Variants in THSD4 observed in about 807,000 individuals in gnomAD.
THSD4 encodes thrombospondin type 1 domain containing 4.
A neutral mutation model predicts 119.0 loss-of-function variants in THSD4; 69 were observed. That is an observed-to-expected ratio of 0.58 (90% CI 0.48 to 0.71). THSD4 has a LOEUF of 0.71. THSD4 is among the 30% of genes least tolerant of loss of function. The pLI, the probability that THSD4 is intolerant of heterozygous loss-of-function variation, is 0.00. For synonymous variants in THSD4, 524 were observed against 540.4 expected (o/e 0.97, Z 0.42); for missense variants, 1,393 against 1,391.1 (o/e 1.00, Z -0.02).
Position 71,724,287 on chromosome 15 carries a change from A to ATATAT in THSD4, c.1358-4261_1358-4260insATATT. 1.4e-3 allele frequency among the ~76,000 whole-genome samples: 54 copies of ATATAT among 37,288 alleles called. 3 individuals are homozygous for ATATAT. The highest frequency in any genetic ancestry group is 0.011 in the East Asian group (6 of 568). 24.5% of individuals were successfully genotyped at this position (37,288 alleles called of 152,430 possible). The stretch of plus-strand genomic sequence containing the variant: ...ATGGGATATATATATATATATATAT[A>ATATAT]TTTTTTTTTTCCCCCCAAGATGGAA... On this transcript the variant is annotated intron_variant, in intron 8 of 17. Transcript: ENST00000261862.
intron 7 of THSD4, among the ~76,000 whole-genome samples, chr15:71,592,172 C>G (rs1307802526): frequency 6.6e-6 from 1 of 152,220 alleles, no homozygotes; most frequent in African/African-American, 2.4e-5. Flanking sequence ...ACACACATTT[C>G]TAAGCCAACA....
At chr15:71,750,300 A>G (rs1190986379) in intron 14 of THSD4, among the ~76,000 whole-genome samples, 3 of 152,170 alleles carry the variant, frequency 2.0e-5, no homozygotes, top group Non-Finnish European at 2.9e-5. Flanking sequence ...GCTGACTCCA[A>G]CTGGTCAGTG....
Position 71,745,198 on chromosome 15 carries a change from G to A in THSD4, c.1999G>A (p.Glu667Lys), listed in dbSNP as rs747954248. The A allele has an allele frequency of 1.9e-5, 31 of 1,613,424 alleles. No homozygotes were observed. The highest frequency in any genetic ancestry group is 1.8e-4 in the Middle Eastern group (1 of 5,668). ...TGACTCCAGCATGAAGCCGACCCCCGAGGAGGAGCCCTGCAACATCTTCCC... is the reference window on the plus strand; with the variant it reads ...TGACTCCAGCATGAAGCCGACCCCCAAGGAGGAGCCCTGCAACATCTTCCC... ...YCDSSMKPTP[E>K]EEPCNIFPCP... Residue 667 changes from glutamate (E) to lysine (K), a missense_variant, in exon 12 of 18, where the codon GAG (glutamate) becomes AAG (lysine). By Grantham distance (56) the Glu-to-Lys change is moderately conservative. Coordinates refer to ENST00000261862, the MANE Select transcript of THSD4 (RefSeq NM_024817.3).
At chr15:71,648,299 A>C (rs964449005) in intron 7 of THSD4, among the ~76,000 whole-genome samples, 1 of 152,154 alleles carries the variant, frequency 6.6e-6, no homozygotes, top group African/African-American at 2.4e-5. Context: ...GGGGCTTCCT[A>C]CTGCCTAAAT....
At chr15:71,309,395 C>T (rs1309390333) in intron 6 of THSD4, among the ~76,000 whole-genome samples, 1 of 152,158 alleles carries the variant, frequency 6.6e-6, no homozygotes, top group South Asian at 2.1e-4. Context: ...TTTATATATT[C>T]TGAATACTTA....
At chr15:71,540,838 T>G (rs1045680739) in intron 7 of THSD4, among the ~76,000 whole-genome samples, 88 of 149,304 alleles carry the variant, frequency 5.9e-4, no homozygotes, top group Non-Finnish European at 1.0e-3. Flanking sequence ...TTCTCCTGTC[T>G]CAGCCTCCCG....
At chr15:71,653,732 A>G (rs1468721588) in intron 7 of THSD4, among the ~76,000 whole-genome samples, 1 of 152,232 alleles carries the variant, frequency 6.6e-6, no homozygotes, top group Non-Finnish European at 1.5e-5. Flanking sequence ...TTGGATTTCC[A>G]CATGAGATTT....
At chr15:71,490,379 T>G (rs1036824003) in intron 7 of THSD4, among the ~76,000 whole-genome samples, 1 of 152,002 alleles carries the variant, frequency 6.6e-6, no homozygotes, top group African/African-American at 2.4e-5. Context: ...GCTAACACGG[T>G]GAAACCCCGT....
intron 7 of THSD4, among the ~76,000 whole-genome samples, chr15:71,460,861 C>G (rs2047420092): frequency 6.6e-6 from 1 of 152,130 alleles, no homozygotes; most frequent in Non-Finnish European, 1.5e-5. Context: ...CCGGTTTATA[C>G]ATATTGGTTC....
chr15:71,303,237 C>T (rs1056420853), intron 6 of THSD4, among the ~76,000 whole-genome samples: 6 of 152,228 alleles, frequency 3.9e-5, no homozygotes, highest in Non-Finnish European at 7.3e-5. Context: ...TAGCTCTGGG[C>T]GCCGCGCATT....
intron 6 of THSD4, among the ~76,000 whole-genome samples, chr15:71,282,966 ATT>A (rs573742429): frequency 0.087 from 11,398 of 130,590 alleles, 504 homozygotes; most frequent in African/African-American, 0.17. Flanking sequence ...GGCAGGTTAG[ATT>A]TTTTTTTTTT....
At chr15:71,574,116 A>G (rs532792264) in intron 7 of THSD4, among the ~76,000 whole-genome samples, 11 of 152,334 alleles carry the variant, frequency 7.2e-5, no homozygotes, top group Non-Finnish European at 1.3e-4. Flanking sequence ...GTAGACAGTC[A>G]GTGAATATTT....
chr15:71,476,723 C>T (rs925648527), intron 7 of THSD4, among the ~76,000 whole-genome samples: 2 of 152,226 alleles, frequency 1.3e-5, no homozygotes, highest in Non-Finnish European at 2.9e-5. Context: ...GAAGAGAGCT[C>T]ACAGCGGAAT....
intron 1 of THSD4, among the ~76,000 whole-genome samples, chr15:71,136,005 T>G (rs944043500): frequency 1.4e-5 from 2 of 145,852 alleles, no homozygotes; most frequent in African/African-American, 5.1e-5. Context: ...TTTTTTTTTT[T>G]TTTTTTTTTT....
chr15:71,727,565 T>A (rs1192568289), intron 8 of THSD4, among the ~76,000 whole-genome samples: 5 of 109,198 alleles, frequency 4.6e-5, no homozygotes, highest in African/African-American at 2.5e-4. Flanking sequence ...TATATATATA[T>A]ATATATATAT....
At position 71,344,199 on chromosome 15, in the gene THSD4, C is replaced by T. The variant is rs1052730367; in HGVS notation, c.1016-67488C>T. Among the ~76,000 whole-genome samples, 28 of 151,998 alleles carry T rather than the reference C, an allele frequency of 1.8e-4. 1 individual carries two copies. Among genetic ancestry groups the T allele is most frequent in the Admixed American group, 5.2e-4 (8 of 15,264 alleles). On this transcript the variant is annotated intron_variant, in intron 6 of 17. Transcript: ENST00000261862. The stretch of plus-strand genomic sequence containing the variant: ...GACTACAGGTGCCCGCCACCACGCC[C>T]GACTAAATTTTGTTTTTGTATTTTT...
In THSD4 at chr15:71,215,295, G is replaced by C. The variant is rs768117254; in HGVS notation, c.360G>C (p.Glu120Asp). ...TGCCACTGCACCGGAGCCGCGACGA[G>C]ACGCCAGCGCTGGCCGGTACGGACG... ...TSVPLHRSRD[E>D]TPALAGTDAS... The change falls in exon 4 of 18, where the codon GAG (glutamate) becomes GAC (aspartate). Residue 120 changes from glutamate to aspartate, a missense_variant. By Grantham distance (45) the Glu-to-Asp change is conservative. Transcript: ENST00000261862. The C allele has an allele frequency of 2.0e-6, 3 of 1,523,032 alleles. No individual in the cohort carries two copies. Among genetic ancestry groups the C allele is most frequent in the Non-Finnish European group, 2.6e-6 (3 of 1,141,286 alleles). The allele number at this position is 1,523,032 out of a possible 1,614,324, so 94.3% of individuals were successfully genotyped here.
chr15:71,328,098 C>A (rs2045370401), intron 6 of THSD4, among the ~76,000 whole-genome samples: 1 of 152,228 alleles, frequency 6.6e-6, no homozygotes, highest in Admixed American at 6.5e-5. Context: ...TAGTTCACTG[C>A]TGCATTCTGC....
At chr15:71,449,649 TC>T (rs1294935629) in intron 7 of THSD4, among the ~76,000 whole-genome samples, 1 of 138,574 alleles carries the variant, frequency 7.2e-6, no homozygotes, top group Non-Finnish European at 1.6e-5. Context: ...ATGATGATAA[TC>T]GGTTGTCCCC....
Sources: gnomAD v4.1 joint callset for allele counts (sites outside exome capture counted in the v4.1 genomes callset) on GRCh38, gnomAD v4.1.1 for gene constraint, MANE v1.5 for transcripts, NCBI Gene and HGNC (gene_info 2026-07-23, HGNC 2026-07-21) for gene names.